PPARGC1B: variants seen among roughly 807,000 people sequenced by gnomAD.
The protein encoded by PPARGC1B is PPARG coactivator 1 beta.
A neutral mutation model predicts 101.6 loss-of-function variants in PPARGC1B; 34 were observed. The ratio of observed to expected loss-of-function variants is 0.33; its 90% confidence interval spans 0.25 to 0.45. The LOEUF is 0.45. Among genes scored for constraint, PPARGC1B ranks in the 20% least tolerant of loss-of-function variants. The pLI, the probability that PPARGC1B is intolerant of heterozygous loss-of-function variation, is 1.00. For missense variants in PPARGC1B, 1,234 were observed against 1,317.6 expected (o/e 0.94, Z 0.98); for synonymous variants, 548 against 539.3 (o/e 1.02, Z -0.22).
chr5:149,742,119 T>C (rs1754931603), intron 1 of PPARGC1B, among the ~76,000 whole-genome samples: 2 of 152,202 alleles, frequency 1.3e-5, no homozygotes, highest in South Asian at 4.1e-4. Context: ...TAATCACATT[T>C]AATCTCAGAG....
chr5:149,737,764 T>C (rs973027719), intron 1 of PPARGC1B, among the ~76,000 whole-genome samples: 2 of 151,958 alleles, frequency 1.3e-5, no homozygotes, highest in African/African-American at 4.8e-5. Context: ...GAGGCTGAGG[T>C]GGGTGGATCA....
At chr5:149,789,041 C>T (rs560083337) in intron 1 of PPARGC1B, among the ~76,000 whole-genome samples, 6 of 152,260 alleles carry the variant, frequency 3.9e-5, no homozygotes, top group Non-Finnish European at 7.4e-5. Flanking sequence ...AACAAACCTG[C>T]ATGTTGTGCA....
intron 1 of PPARGC1B, among the ~76,000 whole-genome samples, chr5:149,761,194 A>G (rs7735347): frequency 0.024 from 3,609 of 152,308 alleles, 154 homozygotes; most frequent in African/African-American, 0.084. Context: ...GATGACCACA[A>G]TCAAGCTAAT....
chr5:149,810,195 C>G (rs1757801161), intron 1 of PPARGC1B, among the ~76,000 whole-genome samples: 1 of 152,328 alleles, frequency 6.6e-6, no homozygotes. Context: ...ATTCAAGAGG[C>G]CCTTGAGTTC....
chr5:149,756,385 G>C (rs914070265), intron 1 of PPARGC1B, among the ~76,000 whole-genome samples: 5 of 152,192 alleles, frequency 3.3e-5, no homozygotes, highest in Non-Finnish European at 1.5e-5. Context: ...CCAGGAGGCA[G>C]AGGTTGTGGT....
chr5:149,827,291 C>A (rs75775502), intron 3 of PPARGC1B, among the ~76,000 whole-genome samples: 7 of 152,170 alleles, frequency 4.6e-5, no homozygotes, highest in Non-Finnish European at 1.5e-5. Context: ...CAGAGGTAAC[C>A]ATGGTTACTG....
At position 149,778,122 on chromosome 5, in the gene PPARGC1B, C is replaced by T. The variant is rs530662216; in HGVS notation, c.79-42311C>T. On this transcript the variant is annotated intron_variant, in intron 1 of 11. Transcript: ENST00000309241. ...ACACACACACACACAGAGTACCCAG[C>T]TGCTCACATTCCATGGAGCAGCAAC... Among the ~76,000 whole-genome samples, 206 of 126,082 alleles carry T rather than the reference C, an allele frequency of 1.6e-3. 5 individuals carry two copies. The highest frequency in any genetic ancestry group is 5.7e-3 in the African/African-American group (187 of 32,552). The allele number at this position is 126,082 out of a possible 152,430, so 82.7% of individuals were successfully genotyped here. A position where few individuals can be genotyped will look rare whatever the true frequency, so the allele number is the denominator to read the frequency against.
chr5:149,841,708 C>CCT (rs1424464995), intron 9 of PPARGC1B, among the ~76,000 whole-genome samples: 1 of 152,188 alleles, frequency 6.6e-6, no homozygotes, highest in Non-Finnish European at 1.5e-5. Context: ...CCACCCCTTC[C>CCT]CTCTGCTAGG....
chr5:149,784,361 G>T (rs540927942), intron 1 of PPARGC1B, among the ~76,000 whole-genome samples: 2 of 152,060 alleles, frequency 1.3e-5, no homozygotes, highest in East Asian at 3.9e-4. Context: ...CTGCTGCCAT[G>T]TTTGGCTGCA....
intron 1 of PPARGC1B, among the ~76,000 whole-genome samples, chr5:149,782,248 C>T (rs903554890): frequency 2.0e-5 from 3 of 152,048 alleles, no homozygotes; most frequent in African/African-American, 7.3e-5. Context: ...CCCTGTCACT[C>T]ATTTACTGTG....
intron 1 of PPARGC1B, among the ~76,000 whole-genome samples, chr5:149,745,429 G>A (rs989897031): frequency 2.6e-5 from 4 of 152,118 alleles, no homozygotes; most frequent in South Asian, 2.1e-4. Flanking sequence ...ATCTTTGAGA[G>A]TAGGCCCTTA....
chr5:149,737,287 ATT>A (rs1754753521), intron 1 of PPARGC1B, among the ~76,000 whole-genome samples: 4 of 152,126 alleles, frequency 2.6e-5, no homozygotes, highest in African/African-American at 9.7e-5. Context: ...CTTAAACCTG[ATT>A]TCCGAAGGCC....
chr5:149,835,505 A>C (rs1759017136), intron 7 of PPARGC1B, 140 bp downstream of exon 7: 2 of 703,566 alleles, frequency 2.8e-6, no homozygotes, highest in Admixed American at 2.7e-5. Flanking sequence ...TGTTATAGGC[A>C]GTCAAAAAGC....
Position 149,842,396 on chromosome 5 carries a change from T to C in PPARGC1B, c.2816+19T>C. The C allele has an allele frequency of 6.2e-7, 1 of 1,611,022 alleles. No homozygotes were observed. Reference sequence around the variant, plus strand: ...ATAGGAGGTGAGTTGAACCAAGCCATGGCAAATGAAGGGAGCAGAGAGGGG... The same window carrying C: ...ATAGGAGGTGAGTTGAACCAAGCCACGGCAAATGAAGGGAGCAGAGAGGGG... On this transcript the variant is annotated intron_variant, in intron 10 of 11. Coordinates refer to ENST00000309241, the MANE Select transcript of PPARGC1B (RefSeq NM_133263.4).
chr5:149,796,334 T>C (rs551754500), intron 1 of PPARGC1B, among the ~76,000 whole-genome samples: 2 of 152,184 alleles, frequency 1.3e-5, no homozygotes, highest in East Asian at 3.9e-4. Flanking sequence ...TGAGCTCCAA[T>C]GTAAAGGATG....
At chr5:149,736,048 C>T (rs865979114) in intron 1 of PPARGC1B, among the ~76,000 whole-genome samples, 2 of 152,096 alleles carry the variant, frequency 1.3e-5, no homozygotes, top group Non-Finnish European at 2.9e-5. Context: ...TGCTTGAACC[C>T]GGAGAATTGC....
At position 149,850,314 on chromosome 5, in the gene PPARGC1B, T is replaced by C. The variant is rs1386874245; in HGVS notation, c.*2756T>C. On this transcript the variant is annotated 3_prime_UTR_variant, in exon 12 of 12. Coordinates refer to ENST00000309241, the MANE Select transcript of PPARGC1B (RefSeq NM_133263.4). ...TGTCCCTCCCTGCTTTGGGGTCAGCTAAAGCTGTCCTTTCATGTCAGATTA... is the reference window on the plus strand; with the variant it reads ...TGTCCCTCCCTGCTTTGGGGTCAGCCAAAGCTGTCCTTTCATGTCAGATTA... 1.3e-5 allele frequency: 2 copies of C among 152,232 alleles called. No individual in the cohort carries two copies. Among genetic ancestry groups the C allele is most frequent in the Non-Finnish European group, 2.9e-5 (2 of 68,058 alleles). 9.4% of individuals were successfully genotyped at this position (152,232 alleles called of 1,614,324 possible).
chr5:149,787,451 G>C (rs1756854537), intron 1 of PPARGC1B, among the ~76,000 whole-genome samples: 1 of 152,158 alleles, frequency 6.6e-6, no homozygotes, highest in Non-Finnish European at 1.5e-5. Flanking sequence ...CACCAAATTG[G>C]CTCCAGGTTG....
rs150255489 is a variant in PPARGC1B at position 149,846,852 on chromosome 5, C to T, written c.2972-606C>T. On this transcript the variant is annotated intron_variant, in intron 11 of 11. Coordinates refer to ENST00000309241, the MANE Select transcript of PPARGC1B (RefSeq NM_133263.4). Reference sequence around the variant, plus strand: ...CTGTAATCCCAGCACTTTGGGAGGCCGAGGCAGGAAGATCATGAGGTCAAG... The same window carrying T: ...CTGTAATCCCAGCACTTTGGGAGGCTGAGGCAGGAAGATCATGAGGTCAAG... The T allele has an allele frequency of 9.0e-3, 1,387 of 154,842 alleles. 24 individuals carry two copies. The highest frequency in any genetic ancestry group is 0.032 in the African/African-American group (1,313 of 41,484). 9.6% of individuals were successfully genotyped at this position (154,842 alleles called of 1,614,324 possible).
Sources: allele counts gnomAD v4.1 joint callset (sites outside exome capture counted in the v4.1 genomes callset), GRCh38; gene constraint gnomAD v4.1.1; transcripts MANE v1.5; gene names NCBI Gene and HGNC (gene_info 2026-07-23, HGNC 2026-07-21).